FRRS1L: variants seen among roughly 807,000 people sequenced by gnomAD.
FRRS1L encodes the protein ferric chelate reductase 1 like, also known as DOMON domain-containing protein FRRS1L.
In FRRS1L, 22 loss-of-function variants were observed where a neutral mutation model predicts 28.6. The observed-to-expected ratio is 0.77, with a 90% CI of 0.55 to 1.10. The LOEUF is 1.10. FRRS1L is among the 50% of genes least tolerant of loss of function. FRRS1L has a pLI of 0.00. For synonymous variants in FRRS1L, 158 were observed against 151.4 expected (o/e 1.04, Z -0.32); for missense variants, 380 against 386.9 (o/e 0.98, Z 0.15).
Position 109,167,123 on chromosome 9 carries a change from G to T in FRRS1L, c.16C>A (p.Arg6=). 8.6e-7 allele frequency: 1 copy of T among 1,164,016 alleles called. No homozygotes were observed. The highest frequency in any genetic ancestry group is 1.1e-6 in the Non-Finnish European group (1 of 946,742). The allele number at this position is 1,164,016 out of a possible 1,614,324, so 72.1% of individuals were successfully genotyped here. The part of the protein sequence containing the change: MARPP[R]QHPGVWASLL... ...GACGCCCAGACCCCCGGGTGCTGCC[G>T]GGGCGGCCGCGCCATCCGTGCGCAC... The change falls in exon 1 of 5, where the codon CGG becomes AGG. Residue 6 remains arginine (R), a synonymous_variant. Transcript: ENST00000561981.
chr9:109,140,912 T>C (rs1284051958), intron 4 of FRRS1L: 1 of 173,776 alleles, frequency 5.8e-6, no homozygotes, highest in African/African-American at 2.4e-5. Context: ...AGACTTAGGA[T>C]TGAATTTTAA....
chr9:109,158,335 A>C (rs1831435692), intron 1 of FRRS1L, among the ~76,000 whole-genome samples: 1 of 152,120 alleles, frequency 6.6e-6, no homozygotes, highest in South Asian at 2.1e-4. Context: ...ATTTTTAGTA[A>C]GCTCTAATTC....
intron 1 of FRRS1L, among the ~76,000 whole-genome samples, chr9:109,155,421 G>A (rs182301496): frequency 1.3e-3 from 199 of 152,230 alleles, no homozygotes; most frequent in Non-Finnish European, 2.3e-3. Context: ...TACATGAAAT[G>A]TCTAGGATAA....
chr9:109,167,112 C>A lies in FRRS1L; in HGVS notation c.27G>T (p.Pro9=). The A allele has an allele frequency of 2.6e-6, 3 of 1,169,862 alleles. No homozygotes were observed. The highest frequency in any genetic ancestry group is 3.2e-6 in the Non-Finnish European group (3 of 950,036). The allele number at this position is 1,169,862 out of a possible 1,614,324, so 72.5% of individuals were successfully genotyped here. A position where few individuals can be genotyped will look rare whatever the true frequency, so the allele number is the denominator to read the frequency against. Residue 9 remains proline, a synonymous_variant, in exon 1 of 5, where the codon CCG becomes CCT. Coordinates refer to ENST00000561981, the MANE Select transcript of FRRS1L (RefSeq NM_014334.4). The part of the protein sequence containing the change: MARPPRQH[P]GVWASLLLLL... ...GCAGGAGCAGCGACGCCCAGACCCC[C>A]GGGTGCTGCCGGGGCGGCCGCGCCA... is the stretch of plus-strand genomic sequence containing the variant.
intron 1 of FRRS1L, among the ~76,000 whole-genome samples, chr9:109,153,893 C>T (rs1831369121): frequency 6.6e-6 from 1 of 152,210 alleles, no homozygotes; most frequent in South Asian, 2.1e-4. Flanking sequence ...TGTCTCTCAG[C>T]TACAACCCAG....
chr9:109,142,105 CA>C (rs1370014104), intron 3 of FRRS1L, among the ~76,000 whole-genome samples: 1 of 151,912 alleles, frequency 6.6e-6, no homozygotes, highest in African/African-American at 2.4e-5. Context: ...TGAAAACAAA[CA>C]ATATATTTAA....
At chr9:109,142,882 C>T (rs994313646) in intron 3 of FRRS1L, among the ~76,000 whole-genome samples, 3 of 152,050 alleles carry the variant, frequency 2.0e-5, no homozygotes, top group African/African-American at 7.2e-5. Flanking sequence ...CGTTTTACCA[C>T]AATAAAAAAG....
Position 109,141,543 on chromosome 9 carries a change from A to T in FRRS1L, c.509T>A (p.Val170Asp). ...MACVHDDNGR[V>D]RIQHFYNVGQ... ...TACATTATAGAAGTGCTGTATGCGG[A>T]CCCTGCCATTGTCATCATGGACGCA... The change falls in exon 4 of 5, where the codon GTC becomes GAC. Residue 170 changes from valine to aspartate, a missense_variant. Coordinates refer to ENST00000561981, the MANE Select transcript of FRRS1L (RefSeq NM_014334.4). 6.2e-7 allele frequency: 1 copy of T among 1,613,522 alleles called. No individual in the cohort carries two copies. The highest frequency in any genetic ancestry group is 8.5e-7 in the Non-Finnish European group (1 of 1,179,882).
intron 1 of FRRS1L, among the ~76,000 whole-genome samples, chr9:109,166,106 G>A (rs953043226): frequency 2.0e-5 from 3 of 152,180 alleles, no homozygotes; most frequent in African/African-American, 7.2e-5. Context: ...TCAAACCCCA[G>A]CTTGATGGTT....
At position 109,166,967 on chromosome 9, in the gene FRRS1L, G is replaced by A; in HGVS notation, c.172C>T (p.Arg58Cys). Residue 58 changes from arginine to cysteine, a missense_variant, in exon 1 of 5, where the codon CGC becomes TGC. Arg to Cys is a radical substitution (Grantham distance 180, BLOSUM62 -3). Coordinates refer to ENST00000561981, the MANE Select transcript of FRRS1L (RefSeq NM_014334.4). ...AAGGTGCCGTAGGAGGAGTCGTGGC[G>A]CGGCACCGCCTCGTCGGCGCCCGTG... The part of the protein sequence containing the change: ...GDTGADEAVP[R>C]HDSSYGTFAG... 1 of 1,334,508 alleles carries A rather than the reference G, an allele frequency of 7.5e-7. No homozygotes were observed. Among genetic ancestry groups the A allele is most frequent in the Non-Finnish European group, 9.7e-7 (1 of 1,034,100 alleles). 82.7% of individuals were successfully genotyped at this position (1,334,508 alleles called of 1,614,324 possible). A position where few individuals can be genotyped will look rare whatever the true frequency, so the allele number is the denominator to read the frequency against.
chr9:109,155,805 G>A (rs1272183592), intron 1 of FRRS1L, among the ~76,000 whole-genome samples: 1 of 152,056 alleles, frequency 6.6e-6, no homozygotes, highest in African/African-American at 2.4e-5. Flanking sequence ...GGACTGCAGA[G>A]TAGTAGCTAA....
At chr9:109,139,113 T>G (rs528234677) in intron 4 of FRRS1L, 1 of 152,112 alleles carries the variant, frequency 6.6e-6, no homozygotes, top group Non-Finnish European at 1.5e-5. Context: ...GCAGGAGAAC[T>G]GCTTGAACCT....
In FRRS1L at chr9:109,137,523, A is replaced by G. The variant is rs1213578831; in HGVS notation, c.814T>C (p.Phe272Leu). ...AGAAGCAAACAAAATGGAGATGAGA[A>G]GGTTTGATAGGCAGCTGATGGCATA... Reference protein sequence around the residue: ...IFMPSAAYQTFSSPFCLLLIV... With the variant: ...IFMPSAAYQTLSSPFCLLLIV... Residue 272 changes from phenylalanine (F) to leucine (L), a missense_variant, in exon 5 of 5, where the codon TTC (phenylalanine) becomes CTC (leucine). Transcript: ENST00000561981. 1 of 1,613,520 alleles carries G rather than the reference A, an allele frequency of 6.2e-7. No individual in the cohort carries two copies. Among genetic ancestry groups the G allele is most frequent in the East Asian group, 2.2e-5 (1 of 44,872 alleles).
At chr9:109,143,720 G>A (rs1258136555) in intron 3 of FRRS1L, among the ~76,000 whole-genome samples, 2 of 151,858 alleles carry the variant, frequency 1.3e-5, no homozygotes, top group South Asian at 4.2e-4. Context: ...TCACTATGTT[G>A]GCCAGGCTGG....
At chr9:109,160,489 T>G (rs1831467734) in intron 1 of FRRS1L, among the ~76,000 whole-genome samples, 1 of 152,220 alleles carries the variant, frequency 6.6e-6, no homozygotes, top group Non-Finnish European at 1.5e-5. Flanking sequence ...TAGGCTCAAG[T>G]GATCCTCCTG....
intron 1 of FRRS1L, among the ~76,000 whole-genome samples, chr9:109,159,393 G>A (rs905702433): frequency 7.9e-5 from 12 of 152,242 alleles, no homozygotes; most frequent in Admixed American, 1.3e-4. Context: ...TGGGTGGGCC[G>A]GGCGTGGTGG....
intron 3 of FRRS1L, among the ~76,000 whole-genome samples, chr9:109,145,070 A>C (rs1226965483): frequency 6.6e-6 from 1 of 152,216 alleles, no homozygotes; most frequent in East Asian, 1.9e-4. Flanking sequence ...CCAGGTGAAG[A>C]GAAGGGCGGG....
chr9:109,140,372 T>TA, intron 4 of FRRS1L: 1 of 152,198 alleles, frequency 6.6e-6, no homozygotes. Context: ...GAGGGTCACT[T>TA]AAACCTGGGA....
intron 1 of FRRS1L, among the ~76,000 whole-genome samples, chr9:109,162,701 T>C (rs1338130786): frequency 1.3e-5 from 2 of 152,194 alleles, no homozygotes; most frequent in Admixed American, 1.3e-4. Context: ...TAGATGTAAA[T>C]TGTTACCCTT....
Sources: allele counts gnomAD v4.1 joint callset (sites outside exome capture counted in the v4.1 genomes callset), GRCh38; gene constraint gnomAD v4.1.1; transcripts MANE v1.5; gene names NCBI Gene and HGNC (gene_info 2026-07-23, HGNC 2026-07-21).